ZNF385D: variants seen among roughly 807,000 people sequenced by gnomAD.
ZNF385D encodes the protein zinc finger protein 385D, also known as zinc finger protein 659.
A neutral mutation model predicts 35.8 loss-of-function variants in ZNF385D; 15 were observed. The ratio of observed to expected loss-of-function variants is 0.42; its 90% CI spans 0.28 to 0.64. The LOEUF (loss-of-function observed/expected upper bound fraction) is 0.64. Among genes scored for constraint, ZNF385D ranks in the 30% least tolerant of loss-of-function variants. The probability of loss-of-function intolerance (pLI) is 0.23; values close to 1 mark genes in which losing one functional copy is unlikely to be tolerated. For missense variants in ZNF385D, 474 were observed against 494.6 expected (o/e 0.96, Z 0.39); for synonymous variants, 212 against 186.8 (o/e 1.13, Z -1.10).
At chr3:21,809,857 C>A (rs982384831) in intron 3 of ZNF385D, among the ~76,000 whole-genome samples, 2 of 151,708 alleles carry the variant, frequency 1.3e-5, no homozygotes, top group African/African-American at 4.8e-5. Context: ...AACAGATAAC[C>A]TGAATTGAGG....
At chr3:21,952,751 A>G (rs1702119968) in intron 3 of ZNF385D, among the ~76,000 whole-genome samples, 1 of 151,968 alleles carries the variant, frequency 6.6e-6, no homozygotes. Flanking sequence ...TTTTTATACA[A>G]TAGTATAAAA....
At chr3:22,294,635 G>C (rs1295509770) in intron 2 of ZNF385D, among the ~76,000 whole-genome samples, 1 of 151,474 alleles carries the variant, frequency 6.6e-6, no homozygotes, top group Non-Finnish European at 1.5e-5. Flanking sequence ...GACCAGATTT[G>C]AATCCTGGTG....
At chr3:21,765,585 T>C (rs749974958) in intron 3 of ZNF385D, among the ~76,000 whole-genome samples, 2 of 151,688 alleles carry the variant, frequency 1.3e-5, no homozygotes, top group Non-Finnish European at 2.9e-5. Flanking sequence ...CCGGAGCCAG[T>C]AGGTAGTAGA....
chr3:21,770,757 A>T (rs2071039665), intron 3 of ZNF385D, among the ~76,000 whole-genome samples: 1 of 152,208 alleles, frequency 6.6e-6, no homozygotes. Flanking sequence ...CCAAATGATT[A>T]TAAATCATGC....
intron 2 of ZNF385D, among the ~76,000 whole-genome samples, chr3:22,210,180 C>T (rs546741839): frequency 3.3e-4 from 50 of 151,844 alleles, no homozygotes; most frequent in Non-Finnish European, 4.0e-4. Flanking sequence ...CTGTGCTTAA[C>T]GCCCATTTAG....
intron 4 of ZNF385D, among the ~76,000 whole-genome samples, chr3:21,506,286 C>T (rs1275154137): frequency 6.6e-6 from 1 of 152,120 alleles, no homozygotes; most frequent in East Asian, 1.9e-4. Flanking sequence ...GTTGCTTCGT[C>T]AGCCTAGTCC....
chr3:22,282,413 G>C (rs369282799), intron 2 of ZNF385D, among the ~76,000 whole-genome samples: 8 of 151,968 alleles, frequency 5.3e-5, no homozygotes, highest in Non-Finnish European at 1.2e-4. Flanking sequence ...GTTTCTTAGA[G>C]GTTTTGATAG....
intron 4 of ZNF385D, among the ~76,000 whole-genome samples, chr3:21,478,535 G>A (rs577733362): frequency 7.2e-5 from 11 of 152,252 alleles, no homozygotes; most frequent in African/African-American, 2.6e-4. Context: ...CCACAGTGAA[G>A]AACAAACCTT....
At chr3:22,000,269 C>T (rs1695751986) in intron 3 of ZNF385D, among the ~76,000 whole-genome samples, 1 of 150,986 alleles carries the variant, frequency 6.6e-6, no homozygotes. Flanking sequence ...CATGCCACGG[C>T]ACTCCAGCCT....
chr3:22,033,038 A>T (rs757331645), intron 3 of ZNF385D, among the ~76,000 whole-genome samples: 2 of 152,162 alleles, frequency 1.3e-5, no homozygotes, highest in Non-Finnish European at 2.9e-5. Flanking sequence ...AAGAAGACAG[A>T]ATCAAGATTC....
chr3:22,013,592 G>T (rs906329952), intron 3 of ZNF385D, among the ~76,000 whole-genome samples: 4 of 152,230 alleles, frequency 2.6e-5, no homozygotes, highest in Non-Finnish European at 5.9e-5. Flanking sequence ...CAGGCAGCAG[G>T]ATTAGAAATC....
chr3:21,876,396 A>G (rs1697975416), intron 3 of ZNF385D, among the ~76,000 whole-genome samples: 1 of 151,500 alleles, frequency 6.6e-6, no homozygotes, highest in Non-Finnish European at 1.5e-5. Context: ...AGAGCCACTG[A>G]CTGCCTGTGA....
chr3:21,618,834 C>G (rs920333559), intron 2 of ZNF385D, among the ~76,000 whole-genome samples: 2 of 152,174 alleles, frequency 1.3e-5, no homozygotes, highest in African/African-American at 4.8e-5. Context: ...TTAATCACTT[C>G]TAGTCTACCT....
chr3:22,060,789 G>A (rs958187494), intron 3 of ZNF385D, among the ~76,000 whole-genome samples: 1 of 151,940 alleles, frequency 6.6e-6, no homozygotes, highest in Non-Finnish European at 1.5e-5. Flanking sequence ...AGCCATCCAC[G>A]CAAGGGTTTC....
chr3:21,839,659 G>C (rs567141361), intron 3 of ZNF385D, among the ~76,000 whole-genome samples: 1 of 152,034 alleles, frequency 6.6e-6, no homozygotes, highest in Non-Finnish European at 1.5e-5. Context: ...GGTCAGCTCT[G>C]ACTCCAGACC....
intron 3 of ZNF385D, among the ~76,000 whole-genome samples, chr3:22,016,878 A>C (rs538294456): frequency 6.6e-6 from 1 of 151,952 alleles, no homozygotes; most frequent in East Asian, 1.9e-4. Context: ...AGATCTAATA[A>C]AAGTTTATTG....
chr3:21,428,933 C>CTTTTTT (rs56827844), intron 5 of ZNF385D, among the ~76,000 whole-genome samples: 8 of 112,038 alleles, frequency 7.1e-5, no homozygotes, highest in Admixed American at 6.4e-4. Context: ...CCAAGAAATC[C>CTTTTTT]TTTTTTTTTT....
intron 1 of ZNF385D, among the ~76,000 whole-genome samples, chr3:21,667,004 G>C (rs1178187955): frequency 6.6e-6 from 1 of 152,084 alleles, no homozygotes; most frequent in Non-Finnish European, 1.5e-5. Context: ...TTGAACCCAG[G>C]AGGCAGAGGT....
At chr3:22,359,703 T>C (rs1242412799) in intron 2 of ZNF385D, among the ~76,000 whole-genome samples, 1 of 151,784 alleles carries the variant, frequency 6.6e-6, no homozygotes, top group East Asian at 1.9e-4. Flanking sequence ...AAGGGTAAAA[T>C]GATGAATTCA....
Sources: gnomAD v4.1 joint callset for allele counts (sites outside exome capture counted in the v4.1 genomes callset) on GRCh38, gnomAD v4.1.1 for gene constraint, MANE v1.5 for transcripts, NCBI Gene and HGNC (gene_info 2026-07-23, HGNC 2026-07-21) for gene names.